Variants in MSH4 observed in about 807,000 individuals in gnomAD.
MSH4 encodes the protein mutS protein homolog 4.
A neutral mutation model predicts 113.7 loss-of-function variants in MSH4; 106 were observed. That is an observed-to-expected ratio of 0.93 (90% CI 0.80 to 1.10). MSH4 has a LOEUF of 1.10. Ranked by LOEUF, MSH4 falls within the 50% of genes least tolerant of loss-of-function variation. The pLI is 0.00. For missense variants in MSH4, 1,061 were observed against 1,093.7 expected, an observed-to-expected ratio of 0.97 and a Z score of 0.42; for synonymous variants, 368 against 380.2, an observed-to-expected ratio of 0.97 and a Z score of 0.37.
chr1:75,840,370 G>A (rs1206648221), intron 7 of MSH4, among the ~76,000 whole-genome samples: 1 of 146,674 alleles, frequency 6.8e-6, no homozygotes, highest in Non-Finnish European at 1.5e-5. Context: ...TCCTTTGTAG[G>A]GACATGGATG....
At chr1:75,862,811 A>G (rs993484454) in intron 8 of MSH4, among the ~76,000 whole-genome samples, 4 of 152,210 alleles carry the variant, frequency 2.6e-5, no homozygotes, top group Non-Finnish European at 2.9e-5. Context: ...GAAAATTTTC[A>G]GTAAGAAATT....
At chr1:75,891,630 T>G (rs1652256343) in intron 17 of MSH4, among the ~76,000 whole-genome samples, 1 of 152,018 alleles carries the variant, frequency 6.6e-6, no homozygotes, top group Non-Finnish European at 1.5e-5. Context: ...ATTTTTGTAT[T>G]TTTAGCTGTG....
intron 19 of MSH4, among the ~76,000 whole-genome samples, chr1:75,911,031 T>G (rs753971894): frequency 2.6e-5 from 4 of 152,084 alleles, no homozygotes; most frequent in Non-Finnish European, 4.4e-5. Flanking sequence ...CTTTGTCTAG[T>G]GTAAAAAGTC....
intron 15 of MSH4, among the ~76,000 whole-genome samples, chr1:75,885,916 A>C (rs1259057547): frequency 2.9e-5 from 1 of 33,930 alleles, no homozygotes; most frequent in African/African-American, 7.8e-5. Context: ...AGTATATATA[A>C]TATATATGAT....
intron 9 of MSH4, among the ~76,000 whole-genome samples, chr1:75,868,772 C>G (rs1225729259): frequency 6.6e-6 from 1 of 152,208 alleles, no homozygotes; most frequent in African/African-American, 2.4e-5. Context: ...TTCTTGCCTA[C>G]CGGCATGTAA....
intron 3 of MSH4, among the ~76,000 whole-genome samples, chr1:75,809,094 T>C (rs1375480333): frequency 1.3e-5 from 2 of 152,000 alleles, no homozygotes; most frequent in Non-Finnish European, 2.9e-5. Flanking sequence ...ATAGATGGGG[T>C]CTTGCTCTGT....
intron 9 of MSH4, among the ~76,000 whole-genome samples, chr1:75,875,909 A>C (rs12021750): frequency 0.27 from 40,975 of 152,028 alleles, 7,024 homozygotes; most frequent in East Asian, 0.69. Context: ...AAACAATCAC[A>C]AATTGTCCAC....
intron 1 of MSH4, among the ~76,000 whole-genome samples, chr1:75,803,063 G>T (rs1333222948): frequency 6.6e-6 from 1 of 151,888 alleles, no homozygotes; most frequent in African/African-American, 2.4e-5. Context: ...CCTCTTAAAG[G>T]CCCCACCTCT....
intron 6 of MSH4, among the ~76,000 whole-genome samples, chr1:75,820,182 A>C (rs919460608): frequency 1.3e-5 from 2 of 152,216 alleles, no homozygotes; most frequent in Admixed American, 1.3e-4. Context: ...TATGGATGGA[A>C]TAAATAGACT....
intron 7 of MSH4, among the ~76,000 whole-genome samples, chr1:75,824,574 A>T (rs1650503446): frequency 6.6e-6 from 1 of 152,122 alleles, no homozygotes; most frequent in Admixed American, 6.6e-5. Flanking sequence ...GGTATTGCCT[A>T]GGTTTTCTTC....
chr1:75,798,710 T>C (rs1227249335), intron 1 of MSH4, among the ~76,000 whole-genome samples: 1 of 151,582 alleles, frequency 6.6e-6, no homozygotes, highest in Non-Finnish European at 1.5e-5. Flanking sequence ...CATGTGCCCC[T>C]ACAGATGGCT....
Position 75,890,723 on chromosome 1 carries a change from G to T in MSH4, c.2254G>T (p.Asp752Tyr). Residue 752 changes from aspartate (D) to tyrosine (Y), a missense_variant, in exon 17 of 20, where the codon GAC (aspartate) becomes TAC (tyrosine). Asp to Tyr is a radical substitution (Grantham distance 160). Coordinates refer to ENST00000263187, the MANE Select transcript of MSH4 (RefSeq NM_002440.4). ...AGCATATATTCTACATAATGCTAAT[G>T]ACAAATCGCTCATATTAATTGATGA... ...EIAYILHNAN[D>Y]KSLILIDELG... 2 of 1,599,192 alleles carry T rather than the reference G, an allele frequency of 1.3e-6. No individual in the cohort carries two copies. Among genetic ancestry groups the T allele is most frequent in the South Asian group, 2.2e-5 (2 of 88,918 alleles).
In MSH4 at chr1:75,816,971, A is replaced by C. The variant is rs572728725; in HGVS notation, c.989+425A>C. On this transcript the variant is annotated intron_variant, in intron 6 of 19. Transcript: ENST00000263187. ...TGATGGAGAATTTTATTTAAGAGGT[A>C]GGTTCTTGCTATTTTGTCCAGGCTG... 3.9e-5 allele frequency among the ~76,000 whole-genome samples: 6 copies of C among 152,206 alleles called. No individual in the cohort carries two copies. The East Asian group carries it at 9.7e-4, about 25-fold the overall frequency.
intron 4 of MSH4, among the ~76,000 whole-genome samples, chr1:75,814,423 C>A (rs1371053157): frequency 7.5e-6 from 1 of 133,952 alleles, no homozygotes; most frequent in Non-Finnish European, 1.6e-5. Flanking sequence ...TATGATCATG[C>A]CGCTGTATTC....
intron 15 of MSH4, among the ~76,000 whole-genome samples, chr1:75,888,101 CTTTTA>C: frequency 6.6e-6 from 1 of 150,512 alleles, no homozygotes; most frequent in Non-Finnish European, 1.5e-5. Flanking sequence ...ATGATTATTA[CTTTTA>C]TTTTCATTAA....
chr1:75,838,364 T>G (rs1257929106), intron 7 of MSH4, among the ~76,000 whole-genome samples: 1 of 152,222 alleles, frequency 6.6e-6, no homozygotes, highest in African/African-American at 2.4e-5. Context: ...TTGTAAGGAC[T>G]CTTAAGATTA....
chr1:75,844,693 A>C (rs915823154), intron 7 of MSH4, among the ~76,000 whole-genome samples: 1 of 152,250 alleles, frequency 6.6e-6, no homozygotes, highest in Non-Finnish European at 1.5e-5. Context: ...ACAATTTTCT[A>C]TAAATTTATT....
At chr1:75,886,522 ATGTAT>A (rs1297006393) in intron 15 of MSH4, among the ~76,000 whole-genome samples, 1 of 104,576 alleles carries the variant, frequency 9.6e-6, no homozygotes, top group East Asian at 5.5e-4. Context: ...AATATATATG[ATGTAT>A]TATATATATT....
intron 7 of MSH4, among the ~76,000 whole-genome samples, chr1:75,837,748 C>T (rs998348900): frequency 2.0e-4 from 31 of 152,150 alleles, no homozygotes; most frequent in African/African-American, 7.0e-4. Context: ...CATCCACCCT[C>T]TTTATGCAAG....
Sources: allele counts gnomAD v4.1 joint callset (sites outside exome capture counted in the v4.1 genomes callset), GRCh38; gene constraint gnomAD v4.1.1; transcripts MANE v1.5; gene names NCBI Gene and HGNC (gene_info 2026-07-23, HGNC 2026-07-21).